LRRFIP1: variants seen among roughly 807,000 people sequenced by gnomAD.
LRRFIP1 encodes the protein leucine-rich repeat flightless-interacting protein 1.
A neutral mutation model predicts 104.4 loss-of-function variants in LRRFIP1; 62 were observed. That is an observed-to-expected ratio of 0.59 (90% CI 0.48 to 0.73). The LOEUF is 0.73. LRRFIP1 is among the 30% of genes least tolerant of loss of function. LRRFIP1 has a pLI of 0.00. For missense variants in LRRFIP1, 796 were observed against 824.5 expected, an observed-to-expected ratio of 0.97 and a Z score of 0.42; for synonymous variants, 300 against 299.0, an observed-to-expected ratio of 1.00 and a Z score of -0.03.
At chr2:237,674,433 C>T (rs910195183) in intron 1 of LRRFIP1, among the ~76,000 whole-genome samples, 1 of 152,176 alleles carries the variant, frequency 6.6e-6, no homozygotes, top group Non-Finnish European at 1.5e-5. Context: ...GCAGGAGTGG[C>T]CATCAGTGTT....
At chr2:237,742,094 C>T (rs1317893090) in intron 11 of LRRFIP1, among the ~76,000 whole-genome samples, 1 of 152,176 alleles carries the variant, frequency 6.6e-6, no homozygotes, top group African/African-American at 2.4e-5. Flanking sequence ...ACGAAATTGA[C>T]CGAAGAGACT....
rs35094499 is a variant in LRRFIP1, at chr2:237,724,049, C to CTT, written c.384+478_384+479dup. ...CATTCAAATTAAATGTACAATCTGA[C>CTT]TTTTTTTTTTTTTTTTGCCAGAAAG... On this transcript the variant is annotated intron_variant, in intron 7 of 23. Coordinates refer to ENST00000308482, the MANE Select transcript of LRRFIP1 (RefSeq NM_001137550.2). 9.2e-4 allele frequency among the ~76,000 whole-genome samples: 132 copies of CTT among 143,014 alleles called. 1 individual carries two copies. The highest frequency in any genetic ancestry group is 6.3e-3 in the East Asian group (31 of 4,936). The allele number at this position is 143,014 out of a possible 152,430, so 93.8% of individuals were successfully genotyped here. A position where few individuals can be genotyped will look rare whatever the true frequency, so the allele number is the denominator to read the frequency against.
chr2:237,733,665 A>G, intron 8 of LRRFIP1, 109 bp from the exon 9 acceptor site: 1 of 1,077,530 alleles, frequency 9.3e-7, no homozygotes, highest in South Asian at 1.3e-5. Context: ...TAACCACTGT[A>G]CAGCAGTTGG....
At chr2:237,682,836 T>C (rs1221728546) in intron 1 of LRRFIP1, among the ~76,000 whole-genome samples, 1 of 152,248 alleles carries the variant, frequency 6.6e-6, no homozygotes, top group African/African-American at 2.4e-5. Flanking sequence ...TATTCCCATC[T>C]TGACCATTCT....
chr2:237,724,042 A>G lies in LRRFIP1; in HGVS notation c.384+456A>G, dbSNP rs568855357. 2.2e-4 allele frequency among the ~76,000 whole-genome samples: 33 copies of G among 147,444 alleles called. No individual in the cohort carries two copies. The South Asian group carries it at 6.9e-3, about 31-fold the overall frequency. On this transcript the variant is annotated intron_variant, in intron 7 of 23. Transcript: ENST00000308482. ...CTATATCCATTCAAATTAAATGTAC[A>G]ATCTGACTTTTTTTTTTTTTTTTGC...
At chr2:237,638,734 T>C (rs149482409) in intron 1 of LRRFIP1, among the ~76,000 whole-genome samples, 52 of 152,380 alleles carry the variant, frequency 3.4e-4, no homozygotes, top group African/African-American at 1.2e-3. Context: ...CATGGAAGTC[T>C]TGGGGCTGCC....
Position 237,711,541 on chromosome 2 carries a change from G to A in LRRFIP1, c.184-2718G>A, listed in dbSNP as rs749814931. The stretch of plus-strand genomic sequence containing the variant: ...GGTCCTCTGTGGATCTGCAGTCTCG[G>A]CTTCCTCATCACCGATGCCTGCACT... On this transcript the variant is annotated intron_variant, in intron 2 of 23. Coordinates refer to ENST00000308482, the MANE Select transcript of LRRFIP1 (RefSeq NM_001137550.2). This position sits in a 1 kb window ranked among gnomAD's most constrained non-coding sequence, Gnocchi z 4.4. Among the ~76,000 whole-genome samples the A allele has an allele frequency of 6.6e-6, 1 of 152,208 alleles. No homozygotes were observed. Among genetic ancestry groups the A allele is most frequent in the African/African-American group, 2.4e-5 (1 of 41,446 alleles).
At chr2:237,663,436 C>A (rs958864014) in intron 1 of LRRFIP1, among the ~76,000 whole-genome samples, 1 of 148,068 alleles carries the variant, frequency 6.8e-6, no homozygotes, top group African/African-American at 2.5e-5. Context: ...TTTCCCCCCC[C>A]ATCCCGCCAT....
intron 11 of LRRFIP1, among the ~76,000 whole-genome samples, chr2:237,746,270 G>A (rs1234078208): frequency 6.6e-6 from 1 of 152,062 alleles, no homozygotes; most frequent in Non-Finnish European, 1.5e-5. Flanking sequence ...TGTTGGCCAG[G>A]TTGGTCTCGA....
At chr2:237,718,591 CCTT>C (rs907783350) in intron 4 of LRRFIP1, among the ~76,000 whole-genome samples, 5 of 152,208 alleles carry the variant, frequency 3.3e-5, no homozygotes, top group African/African-American at 1.2e-4. Context: ...CTACCCGAGT[CCTT>C]CTACCTCTTC....
chr2:237,658,014 G>C (rs960222754), intron 1 of LRRFIP1, among the ~76,000 whole-genome samples: 4 of 152,194 alleles, frequency 2.6e-5, no homozygotes, highest in African/African-American at 9.7e-5. Context: ...TTATTTAACT[G>C]TGGGACTAAG....
intron 17 of LRRFIP1, among the ~76,000 whole-genome samples, chr2:237,758,340 C>T (rs879056447): frequency 7.2e-5 from 11 of 152,148 alleles, no homozygotes; most frequent in African/African-American, 2.4e-4. Flanking sequence ...CTACAACAGC[C>T]GTCCTGGGAG....
chr2:237,706,816 C>G (rs1380859790), intron 1 of LRRFIP1, among the ~76,000 whole-genome samples: 1 of 152,114 alleles, frequency 6.6e-6, no homozygotes, highest in African/African-American at 2.4e-5. Flanking sequence ...TTGGTAGACA[C>G]AGGGTTTTAC....
rs117835412 is a variant in LRRFIP1, at chr2:237,754,614, G to A, written c.1038+1135G>A. On this transcript the variant is annotated intron_variant, in intron 15 of 23. Transcript: ENST00000308482. ...TGGCTATTATCCTCTAAATCCAAAG[G>A]GTTAAAACCAAGGTACCCTTGACAA... Among the ~76,000 whole-genome samples, 1,076 of 152,286 alleles carry A rather than the reference G, an allele frequency of 7.1e-3. 68 individuals carry two copies. Among genetic ancestry groups the A allele is most frequent in the Admixed American group, 0.062 (946 of 15,298 alleles).
chr2:237,765,213 A>T (rs1029118517), intron 19 of LRRFIP1: 5 of 161,088 alleles, frequency 3.1e-5, no homozygotes, highest in African/African-American at 9.6e-5. Flanking sequence ...CAGTGAGCCA[A>T]GATCAAGCCA....
At chr2:237,701,290 C>T (rs2093508365) in intron 1 of LRRFIP1, among the ~76,000 whole-genome samples, 1 of 152,192 alleles carries the variant, frequency 6.6e-6, no homozygotes, top group African/African-American at 2.4e-5. Context: ...ATACAAATGC[C>T]ATTAGAGCTG....
At chr2:237,764,005 A>G in intron 19 of LRRFIP1, 2 of 1,614,242 alleles carry the variant, frequency 1.2e-6, no homozygotes, top group Non-Finnish European at 1.7e-6. Context: ...GGAAAGCTTT[A>G]GACAGCAATA....
intron 1 of LRRFIP1, among the ~76,000 whole-genome samples, chr2:237,664,333 C>T (rs2088760190): frequency 6.6e-6 from 1 of 152,250 alleles, no homozygotes; most frequent in Admixed American, 6.5e-5. Flanking sequence ...TGCCGCCTGG[C>T]CTGTCCACAG....
intron 23 of LRRFIP1, among the ~76,000 whole-genome samples, chr2:237,776,046 C>T (rs2061067770): frequency 6.6e-6 from 1 of 152,006 alleles, no homozygotes; most frequent in Non-Finnish European, 1.5e-5. Flanking sequence ...CTCACTGCAA[C>T]CTCCACCTCC....
Sources: gnomAD v4.1 joint callset for allele counts (sites outside exome capture counted in the v4.1 genomes callset) on GRCh38, gnomAD v4.1.1 for gene constraint, Gnocchi (gnomAD v3.1) non-coding constraint, MANE v1.5 for transcripts, NCBI Gene and HGNC (gene_info 2026-07-23, HGNC 2026-07-21) for gene names.